Variants in SRSF12 observed in about 807,000 individuals in gnomAD.
The protein encoded by SRSF12 is serine/arginine-rich splicing factor 12.
Under a neutral mutation model 34.1 loss-of-function variants are expected in SRSF12, and 21 were observed. That is an observed-to-expected ratio of 0.62 (90% CI 0.44 to 0.89). SRSF12 has a LOEUF of 0.89. Ranked by LOEUF, SRSF12 falls within the 40% of genes least tolerant of loss-of-function variation. SRSF12 has a pLI of 0.00. For synonymous variants in SRSF12, 111 were observed against 110.8 expected, an observed-to-expected ratio of 1.00 and a Z score of -0.01; for missense variants, 278 against 327.8, an observed-to-expected ratio of 0.85 and a Z score of 1.17.
At chr6:89,111,933 G>C (rs150987094) in intron 1 of SRSF12, among the ~76,000 whole-genome samples, 122 of 152,224 alleles carry the variant, frequency 8.0e-4, no homozygotes, top group Non-Finnish European at 1.2e-3. Flanking sequence ...ATTCCTTTAT[G>C]CAGTACAAAA....
chr6:89,110,181 GAGGGTCTTGCCTATGAGTCCTCC>G (rs1768979366), intron 1 of SRSF12, among the ~76,000 whole-genome samples: 1 of 152,126 alleles, frequency 6.6e-6, no homozygotes, highest in Admixed American at 6.5e-5. Flanking sequence ...GTTACCAATG[GAGGGTCTTGCCTATGAGTCCTCC>G]AGGTTCTTGG....
intron 4 of SRSF12, 73 bp downstream of exon 4, chr6:89,105,046 A>T: frequency 7.4e-7 from 1 of 1,356,238 alleles, no homozygotes; most frequent in Non-Finnish European, 9.8e-7. Flanking sequence ...AAACAATGAG[A>T]CCCTATCAAA....
intron 3 of SRSF12, 30 bp downstream of exon 3, chr6:89,105,393 GAATA>G (rs1394420502): frequency 3.2e-6 from 5 of 1,572,732 alleles, no homozygotes; most frequent in Admixed American, 2.0e-5. Flanking sequence ...TCATTCTGCT[GAATA>G]AATAAAATCT....
chr6:89,099,356 G>A (rs925011559), intron 4 of SRSF12, among the ~76,000 whole-genome samples: 11 of 146,468 alleles, frequency 7.5e-5, no homozygotes, highest in Non-Finnish European at 1.6e-4. Flanking sequence ...AGAACAGCTT[G>A]TATTAGACTA....
intron 1 of SRSF12, among the ~76,000 whole-genome samples, chr6:89,115,631 C>CTTTTTT (rs760005395): frequency 3.1e-5 from 4 of 129,004 alleles, no homozygotes; most frequent in African/African-American, 9.3e-5. Context: ...TTTTTTCTTT[C>CTTTTTT]TTTTTTTTTT....
rs551781320 is a variant in SRSF12 at position 89,104,285 on chromosome 6, G to A, written c.416+834C>T. 1.4e-3 allele frequency among the ~76,000 whole-genome samples: 199 copies of A among 145,800 alleles called. 1 individual carries two copies. The highest frequency in any genetic ancestry group is 3.6e-3 in the Middle Eastern group (1 of 276). ...GGAGTCTCGCTCTGTCGCTCAGGCT[G>A]GAGTGCAATGGCGTGATCTCAGCTC... On this transcript the variant is annotated intron_variant, in intron 4 of 4. Coordinates refer to ENST00000452027, the MANE Select transcript of SRSF12 (RefSeq NM_080743.5).
intron 4 of SRSF12, among the ~76,000 whole-genome samples, chr6:89,102,604 G>A (rs755754136): frequency 4.6e-5 from 7 of 151,924 alleles, no homozygotes; most frequent in Non-Finnish European, 8.8e-5. Context: ...AGTAAAAGAA[G>A]GACGCTATAA....
chr6:89,104,555 C>CT (rs201207511), intron 4 of SRSF12, among the ~76,000 whole-genome samples: 1 of 150,672 alleles, frequency 6.6e-6, no homozygotes, highest in Non-Finnish European at 1.5e-5. Context: ...TTTTTTTTTA[C>CT]TTTTTTTTTC....
chr6:89,114,720 G>T (rs997937459), intron 1 of SRSF12, among the ~76,000 whole-genome samples: 6 of 152,220 alleles, frequency 3.9e-5, no homozygotes, highest in African/African-American at 1.4e-4. Context: ...ACCTGCAGAT[G>T]TGTTTTATTT....
rs201656115 is a variant in SRSF12 at position 89,113,183 on chromosome 6, A to AT, written c.65+4639dup. On this transcript the variant is annotated intron_variant, in intron 1 of 4. Transcript: ENST00000452027. ...ATTTAACATTTTATCCCAATGATTT[A>AT]TTTTTTTTTGAGACACAATTTCACT... 8.8e-3 allele frequency among the ~76,000 whole-genome samples: 1,330 copies of AT among 151,092 alleles called. 27 individuals carry two copies. Among genetic ancestry groups the AT allele is most frequent in the African/African-American group, 0.03 (1,235 of 41,244 alleles).
chr6:89,104,983 G>A, intron 4 of SRSF12, 136 bp downstream of exon 4: 1 of 790,412 alleles, frequency 1.3e-6, no homozygotes, highest in Non-Finnish European at 1.8e-6. Flanking sequence ...TTGAGTCTAG[G>A]AGGTCAAGTC....
chr6:89,103,627 G>C (rs1768639439), intron 4 of SRSF12, among the ~76,000 whole-genome samples: 1 of 151,914 alleles, frequency 6.6e-6, no homozygotes, highest in South Asian at 2.1e-4. Context: ...CACTGCGCCT[G>C]GCCTGAATTT....
intron 1 of SRSF12, among the ~76,000 whole-genome samples, chr6:89,109,352 C>T (rs1242009450): frequency 1.3e-5 from 2 of 152,164 alleles, no homozygotes; most frequent in Admixed American, 1.3e-4. Context: ...AATGTAGCTG[C>T]TGGGCACACA....
intron 1 of SRSF12, 118 bp downstream of exon 1, chr6:89,117,705 C>T (rs753396799): frequency 2.9e-6 from 3 of 1,049,012 alleles, no homozygotes; most frequent in Non-Finnish European, 2.6e-6. Flanking sequence ...CAGCCTGGGC[C>T]CGCGGGGAGG....
intron 2 of SRSF12, chr6:89,106,802 G>A (rs1484883179): frequency 2.8e-6 from 1 of 359,764 alleles, no homozygotes; most frequent in Non-Finnish European, 5.4e-6. Context: ...CTGAGTAAAT[G>A]TAGGAAAGCC....
chr6:89,107,311 T>C, intron 1 of SRSF12, 53 bp from the exon 2 acceptor site: 1 of 1,434,874 alleles, frequency 7.0e-7, no homozygotes. Flanking sequence ...GATTAAAATA[T>C]TTTGCCTACA....
intron 2 of SRSF12, 88 bp from the exon 3 acceptor site, chr6:89,105,618 G>C (rs1768747391): frequency 1.1e-6 from 1 of 936,830 alleles, no homozygotes; most frequent in Non-Finnish European, 1.5e-6. Flanking sequence ...GAAATTAATA[G>C]GAAAATCAAG....
intron 1 of SRSF12, among the ~76,000 whole-genome samples, chr6:89,117,457 G>A (rs908195796): frequency 2.0e-5 from 3 of 152,168 alleles, no homozygotes; most frequent in African/African-American, 7.2e-5. Flanking sequence ...GAGCTGAAAC[G>A]CGGGCACTCG....
intron 4 of SRSF12, among the ~76,000 whole-genome samples, chr6:89,099,540 T>A (rs1411611276): frequency 7.6e-5 from 10 of 131,372 alleles, no homozygotes; most frequent in African/African-American, 3.9e-4. Context: ...ACATACATGT[T>A]TTTTTTTTTT....
Sources: allele counts gnomAD v4.1 joint callset (sites outside exome capture counted in the v4.1 genomes callset), GRCh38; gene constraint gnomAD v4.1.1; transcripts MANE v1.5; gene names NCBI Gene and HGNC (gene_info 2026-07-23, HGNC 2026-07-21).